Variants in DIS3L observed in about 807,000 individuals in gnomAD.
DIS3L encodes the protein DIS3-like exonuclease 1.
A neutral mutation model predicts 120.3 loss-of-function variants in DIS3L; 100 were observed. The observed-to-expected ratio is 0.83, with a 90% CI of 0.71 to 0.98. The LOEUF (loss-of-function observed/expected upper bound fraction) is 0.98. Among genes scored for constraint, DIS3L ranks in the 50% least tolerant of loss-of-function variants. The pLI, the probability that DIS3L is intolerant of heterozygous loss-of-function variation, is 0.00. For synonymous variants in DIS3L, 426 were observed against 470.6 expected, an observed-to-expected ratio of 0.91 and a Z score of 1.23; for missense variants, 1,196 against 1,314.2, an observed-to-expected ratio of 0.91 and a Z score of 1.39.
intron 8 of DIS3L, among the ~76,000 whole-genome samples, chr15:66,320,007 C>A (rs568494334): frequency 6.7e-6 from 1 of 150,322 alleles, no homozygotes; most frequent in Non-Finnish European, 1.5e-5. Context: ...GCTTGTAATC[C>A]TAGCTATGTG....
intron 9 of DIS3L, among the ~76,000 whole-genome samples, chr15:66,321,059 C>T (rs1348097313): frequency 6.6e-6 from 1 of 152,164 alleles, no homozygotes; most frequent in Non-Finnish European, 1.5e-5. Flanking sequence ...CAACTGAGCT[C>T]CACACTCTCT....
intron 8 of DIS3L, among the ~76,000 whole-genome samples, chr15:66,319,952 T>TAAAAAAAAAAAAAA (rs34195061): frequency 9.3e-6 from 1 of 108,044 alleles, no homozygotes; most frequent in Non-Finnish European, 1.8e-5. Flanking sequence ...CCATTTCTAC[T>TAAAAAAAAAAAAAA]AAAAAAAAAA....
chr15:66,313,902 TAG>T, intron 5 of DIS3L, 135 bp from the exon 6 acceptor site: 1 of 563,338 alleles, frequency 1.8e-6, no homozygotes, highest in Non-Finnish European at 3.1e-6. Flanking sequence ...TATATATATA[TAG>T]TTCCTAAAGG....
chr15:66,317,358 A>G (rs539324601), intron 7 of DIS3L, among the ~76,000 whole-genome samples: 44 of 151,650 alleles, frequency 2.9e-4, no homozygotes, highest in Non-Finnish European at 4.6e-4. Context: ...AAAAAAAAAA[A>G]AAAAGAAAAA....
chr15:66,311,849 T>G lies in DIS3L; in HGVS notation c.684T>G (p.His228Gln). ...QESHGKEYPE[H>Q]LPLEVLEAGI... ...GCCATGGGAAGGAGTACCCAGAACA[T>G]CTTCCCCTGGAAGTGTTAGAAGCTG... is the stretch of plus-strand genomic sequence containing the variant. Residue 228 changes from histidine to glutamine, a missense_variant, in exon 5 of 17, where the codon CAT (histidine) becomes CAG (glutamine). Physicochemically the swap from His to Gln is conservative, Grantham distance 24. Transcript: ENST00000319212. 6.2e-7 allele frequency: 1 copy of G among 1,614,084 alleles called. No homozygotes were observed.
chr15:66,317,293 T>C (rs1238844201), intron 7 of DIS3L, among the ~76,000 whole-genome samples: 1 of 149,262 alleles, frequency 6.7e-6, no homozygotes, highest in Non-Finnish European at 1.5e-5. Context: ...CTATATTCCC[T>C]GTACCTAGAA....
At chr15:66,304,963 C>G (rs1379850172) in intron 2 of DIS3L, among the ~76,000 whole-genome samples, 1 of 146,208 alleles carries the variant, frequency 6.8e-6, no homozygotes, top group Non-Finnish European at 1.5e-5. Flanking sequence ...CACAGTGACT[C>G]AAAATTAGAA....
At chr15:66,331,671 A>G in intron 14 of DIS3L, 1 of 492,518 alleles carries the variant, frequency 2.0e-6, no homozygotes, top group Non-Finnish European at 3.1e-6. Flanking sequence ...GTTTCATTTT[A>G]TAAAATAATT....
chr15:66,307,381 C>G (rs1481543326), intron 3 of DIS3L, among the ~76,000 whole-genome samples: 1 of 151,960 alleles, frequency 6.6e-6, no homozygotes, highest in Non-Finnish European at 1.5e-5. Context: ...ACTGCAGCCT[C>G]GACCTCCTGA....
chr15:66,293,980 G>A, intron 1 of DIS3L: 2 of 992,156 alleles, frequency 2.0e-6, no homozygotes, highest in Middle Eastern at 5.1e-4. Flanking sequence ...GGGAGGGCCC[G>A]ACAGACCCGC....
chr15:66,315,250 T>A, intron 7 of DIS3L, 35 bp downstream of exon 7: 1 of 1,549,008 alleles, frequency 6.5e-7, no homozygotes, highest in Non-Finnish European at 8.8e-7. Context: ...GATGTCCATT[T>A]TTCTTGTGGA....
chr15:66,309,094 A>AAAAAATATATAT, intron 4 of DIS3L, among the ~76,000 whole-genome samples: 1 of 15,308 alleles, frequency 6.5e-5, no homozygotes, highest in African/African-American at 2.0e-4. Context: ...AAAAAAAAAA[A>AAAAAATATATAT]ATATATATAT....
chr15:66,308,642 T>G, intron 3 of DIS3L, 67 bp from the exon 4 acceptor site: 1 of 1,546,286 alleles, frequency 6.5e-7, no homozygotes, highest in Non-Finnish European at 8.8e-7. Context: ...AAGCCAGATG[T>G]GAAATTCTGA....
In DIS3L at chr15:66,311,732, G is replaced by A; in HGVS notation, c.567G>A (p.Leu189=). 6.2e-7 allele frequency: 1 copy of A among 1,613,882 alleles called. No homozygotes were observed. Among genetic ancestry groups the A allele is most frequent in the Non-Finnish European group, 8.5e-7 (1 of 1,179,930 alleles). ...GVFVITFKNY[L]DNFWPDLKAA... ...GCCTTTATTAAATACAGAATTACCTGGACAATTTCTGGCCTGATTTAAAAG... is the reference window on the plus strand; with the variant it reads ...GCCTTTATTAAATACAGAATTACCTAGACAATTTCTGGCCTGATTTAAAAG... The change falls in exon 5 of 17, where the codon CTG becomes CTA. Residue 189 remains leucine (L), a synonymous_variant. Coordinates refer to ENST00000319212, the MANE Select transcript of DIS3L (RefSeq NM_001143688.3).
At chr15:66,294,555 T>C (rs1031206712) in intron 1 of DIS3L, 5 of 991,122 alleles carry the variant, frequency 5.0e-6, no homozygotes, top group Admixed American at 5.8e-5. Flanking sequence ...TGTTCAATCT[T>C]TCTGGCCCTT....
At position 66,331,867 on chromosome 15, in the gene DIS3L, T is replaced by G. The variant is rs2093001235; in HGVS notation, c.2536-8T>G. 4 of 1,569,916 alleles carry G rather than the reference T, an allele frequency of 2.5e-6. No homozygotes were observed. Among genetic ancestry groups the G allele is most frequent in the Non-Finnish European group, 2.6e-6 (3 of 1,159,290 alleles). On this transcript the variant is annotated splice_polypyrimidine_tract_variant and splice_region_variant and intron_variant, in intron 14 of 16. Transcript: ENST00000319212. ...TGTTAAAATGCTTTGGAGTTGTGCT[T>G]CTTACAGGCAGCACAGCATTCTCAG... is the stretch of plus-strand genomic sequence containing the variant.
intron 1 of DIS3L, chr15:66,294,098 C>T: frequency 1.0e-6 from 1 of 985,790 alleles, no homozygotes; most frequent in Non-Finnish European, 1.2e-6. Context: ...TGGGGAGGTC[C>T]CGAGCTGGGA....
At chr15:66,305,096 G>GT (rs1219522783) in intron 2 of DIS3L, among the ~76,000 whole-genome samples, 1 of 149,014 alleles carries the variant, frequency 6.7e-6, no homozygotes, top group African/African-American at 2.5e-5. Context: ...CGCCTCCAGG[G>GT]TTCACGCCCA....
intron 4 of DIS3L, among the ~76,000 whole-genome samples, chr15:66,309,094 A>AAAAAAAACAAAAAATATATAT: frequency 6.5e-5 from 1 of 15,320 alleles, no homozygotes; most frequent in African/African-American, 2.0e-4. Context: ...AAAAAAAAAA[A>AAAAAAAACAAAAAATATATAT]ATATATATAT....
Sources: allele counts gnomAD v4.1 joint callset (sites outside exome capture counted in the v4.1 genomes callset), GRCh38; gene constraint gnomAD v4.1.1; transcripts MANE v1.5; gene names NCBI Gene and HGNC (gene_info 2026-07-23, HGNC 2026-07-21).